The following DNAH8 variants were observed in gnomAD, a reference collection of about 807,000 sequenced individuals.
DNAH8 encodes the protein dynein axonemal heavy chain 8.
Under a neutral mutation model 562.1 loss-of-function variants are expected in DNAH8, and 382 were observed. The ratio of observed to expected loss-of-function variants is 0.68; its 90% confidence interval spans 0.63 to 0.74. The LOEUF (loss-of-function observed/expected upper bound fraction) is 0.74, where lower values mean the gene tolerates loss of function less well. Ranked by LOEUF, DNAH8 falls within the 30% of genes least tolerant of loss-of-function variation. The probability of loss-of-function intolerance (pLI) is 0.00; values close to 1 mark genes in which losing one functional copy is unlikely to be tolerated. For synonymous variants in DNAH8, 1,881 were observed against 1,919.4 expected, an observed-to-expected ratio of 0.98 and a Z score of 0.52; for missense variants, 5,203 against 5,620.4, an observed-to-expected ratio of 0.93 and a Z score of 2.37.
intron 32 of DNAH8, among the ~76,000 whole-genome samples, chr6:38,835,083 G>C (rs1738200): frequency 6.6e-6 from 1 of 151,826 alleles, no homozygotes; most frequent in Non-Finnish European, 1.5e-5. Flanking sequence ...CATTGGATCA[G>C]GCCAACCATT....
chr6:38,805,245 A>G (rs1457108209), intron 22 of DNAH8, among the ~76,000 whole-genome samples: 1 of 152,222 alleles, frequency 6.6e-6, no homozygotes, highest in Non-Finnish European at 1.5e-5. Context: ...TGAATTCTAG[A>G]TTGTATATTT....
chr6:38,717,302 A>G (rs1298570488), intron 1 of DNAH8, among the ~76,000 whole-genome samples: 1 of 152,142 alleles, frequency 6.6e-6, no homozygotes, highest in Non-Finnish European at 1.5e-5. Context: ...GCTTGGGGGT[A>G]GATTCGTAGG....
At chr6:38,976,126 A>G (rs1000052811) in intron 85 of DNAH8, among the ~76,000 whole-genome samples, 14 of 152,226 alleles carry the variant, frequency 9.2e-5, no homozygotes, top group African/African-American at 3.4e-4. Context: ...CTTAAAATCA[A>G]ATAATAGAGG....
At chr6:38,888,492 A>G (rs1316900846) in intron 57 of DNAH8, among the ~76,000 whole-genome samples, 1 of 152,186 alleles carries the variant, frequency 6.6e-6, no homozygotes, top group Non-Finnish European at 1.5e-5. Context: ...TATAATAACA[A>G]CAAAAATGTC....
chr6:38,964,719 T>G (rs1762858391), intron 82 of DNAH8, among the ~76,000 whole-genome samples: 1 of 152,126 alleles, frequency 6.6e-6, no homozygotes, highest in Non-Finnish European at 1.5e-5. Flanking sequence ...CTGATAATAT[T>G]TGATGACAGT....
At chr6:38,946,677 G>A (rs561353971) in intron 80 of DNAH8, among the ~76,000 whole-genome samples, 87 of 152,290 alleles carry the variant, frequency 5.7e-4, no homozygotes, top group Middle Eastern at 3.4e-3. Context: ...GGGTGTGGTG[G>A]CGGGTGCCTG....
intron 69 of DNAH8, 105 bp downstream of exon 69, chr6:38,917,511 G>A (rs1781398664): frequency 1.1e-6 from 1 of 942,696 alleles, no homozygotes; most frequent in Non-Finnish European, 1.6e-6. Context: ...ATTGATCATT[G>A]CGTATTGAAA....
intron 4 of DNAH8, among the ~76,000 whole-genome samples, chr6:38,731,551 A>G (rs919520139): frequency 6.6e-6 from 1 of 152,246 alleles, no homozygotes; most frequent in Non-Finnish European, 1.5e-5. Context: ...GCCTGAGTGA[A>G]TATTACTGAA....
chr6:38,925,311 T>C (rs1302591636), intron 73 of DNAH8, among the ~76,000 whole-genome samples: 44 of 122,034 alleles, frequency 3.6e-4, no homozygotes, highest in African/African-American at 1.2e-3. Flanking sequence ...TTTATTTTAT[T>C]TTATTTTATT....
At chr6:38,856,919 C>G (rs1159917118) in intron 41 of DNAH8, among the ~76,000 whole-genome samples, 3 of 152,040 alleles carry the variant, frequency 2.0e-5, no homozygotes, top group Admixed American at 2.0e-4. Flanking sequence ...ATTACCTTTT[C>G]TGGGGCAGAA....
Position 38,860,472 on chromosome 6 carries a change from A to T in DNAH8, c.5974A>T (p.Lys1992Ter). ...IFDDLVKMHI[K>*]SPTDFEWLKQ... ...TGTTTTTAAGGTAAAAATGCATATC[A>T]AATCACCTACTGACTTTGAATGGCT... The change falls in exon 43 of 93, where the codon AAA (lysine) becomes TAA (stop). Residue 1992 changes from lysine to a stop codon, truncating the protein, a stop_gained. Coordinates refer to ENST00000327475, the MANE Select transcript of DNAH8 (RefSeq NM_001206927.2). LOFTEE classifies it high-confidence loss of function. The T allele has an allele frequency of 2.1e-6, 3 of 1,417,684 alleles. No homozygotes were observed. Among genetic ancestry groups the T allele is most frequent in the Non-Finnish European group, 2.8e-6 (3 of 1,079,232 alleles). The allele number at this position is 1,417,684 out of a possible 1,614,324, so 87.8% of individuals were successfully genotyped here. A position where few individuals can be genotyped will look rare whatever the true frequency, so the allele number is the denominator to read the frequency against.
intron 42 of DNAH8, 48 bp from the exon 43 acceptor site, chr6:38,860,409 T>G (rs1423590200): frequency 1.8e-6 from 2 of 1,121,216 alleles, no homozygotes; most frequent in Non-Finnish European, 2.4e-6. Flanking sequence ...TTATGTTTTA[T>G]GCTATTGCAA....
chr6:39,026,373 C>T (rs1464959317), intron 91 of DNAH8, among the ~76,000 whole-genome samples, 173 bp from the exon 92 acceptor site: 1 of 152,166 alleles, frequency 6.6e-6, no homozygotes, highest in African/African-American at 2.4e-5. Context: ...TTGCAGGTCC[C>T]CACAGAAACG....
chr6:38,875,734 AGC>A lies in DNAH8; in HGVS notation c.7765_7766del (p.Ala2589LeufsTer6). The A allele has an allele frequency of 6.2e-7, 1 of 1,614,038 alleles. No homozygotes were observed. The highest frequency in any genetic ancestry group is 1.1e-5 in the South Asian group (1 of 91,082). On this transcript the variant is annotated frameshift_variant, in exon 53 of 93. Coordinates refer to ENST00000327475, the MANE Select transcript of DNAH8 (RefSeq NM_001206927.2). LOFTEE classifies it high-confidence loss of function. Reference sequence around the variant, plus strand: ...AATTAGAAAGCAGAGAAAAGCTTGAAGCCTTCTTACGGCAGCATGAAAGCAAG... The same window carrying A: ...AATTAGAAAGCAGAGAAAAGCTTGAACTTCTTACGGCAGCATGAAAGCAAG... ...LELESREKLE[A>X]FLRQHESKLD...
chr6:38,842,265 A>G, intron 33 of DNAH8, 103 bp from the exon 34 acceptor site: 2 of 890,880 alleles, frequency 2.2e-6, no homozygotes, highest in Non-Finnish European at 3.4e-6. Flanking sequence ...GACATTGTAC[A>G]CGCAATGTAT....
At chr6:38,751,851 T>C (rs2127596291) in intron 9 of DNAH8, among the ~76,000 whole-genome samples, 1 of 152,292 alleles carries the variant, frequency 6.6e-6, no homozygotes, top group South Asian at 2.1e-4. Context: ...TATTACTTCT[T>C]TTGTAAATCA....
rs1289471983 is a variant in DNAH8 at position 38,929,736 on chromosome 6, GAA to G, written c.11274+72_11274+73del. 8.3e-6 allele frequency: 11 copies of G among 1,322,732 alleles called. No homozygotes were observed. In the Admixed American group the frequency reaches 1.7e-4, roughly 21 times the overall value. 81.9% of individuals were successfully genotyped at this position (1,322,732 alleles called of 1,614,324 possible). A position where few individuals can be genotyped will look rare whatever the true frequency, so the allele number is the denominator to read the frequency against. On this transcript the variant is annotated intron_variant, in intron 75 of 92. Transcript: ENST00000327475. ...AAAAAGAAAAAAAGAAAAAAATTAA[GAA>G]AGAGAAAGAAAGAAAAGAACAATGG...
intron 83 of DNAH8, 50 bp from the exon 84 acceptor site, chr6:38,973,611 C>A (rs1017151439): frequency 1.4e-6 from 2 of 1,440,832 alleles, no homozygotes; most frequent in Non-Finnish European, 1.9e-6. Flanking sequence ...TTATTAAAAT[C>A]ATAGCAAAAA....
intron 4 of DNAH8, 132 bp from the exon 5 acceptor site, chr6:38,734,342 A>T: frequency 2.5e-6 from 2 of 787,776 alleles, no homozygotes; most frequent in Non-Finnish European, 3.4e-6. Context: ...CCCCAAAAAA[A>T]TTATTCTATG....
Sources: allele counts gnomAD v4.1 joint callset (sites outside exome capture counted in the v4.1 genomes callset), GRCh38; gene constraint gnomAD v4.1.1; transcripts MANE v1.5; gene names NCBI Gene and HGNC (gene_info 2026-07-23, HGNC 2026-07-21).